The following TECPR1 variants were observed in gnomAD, a reference collection of about 807,000 sequenced individuals.
TECPR1 encodes the protein tectonin beta-propeller repeat-containing protein 1.
In TECPR1, 122 loss-of-function variants were observed where a neutral mutation model predicts 162.4. That is an observed-to-expected ratio of 0.75 (90% CI 0.65 to 0.87). The LOEUF is 0.87. TECPR1 is among the 40% of genes least tolerant of loss of function. The pLI is 0.00. For synonymous variants in TECPR1, 642 were observed against 670.6 expected, an observed-to-expected ratio of 0.96 and a Z score of 0.66; for missense variants, 1,432 against 1,618.2, an observed-to-expected ratio of 0.88 and a Z score of 1.97.
chr7:98,247,580 T>A (rs577994094), intron 2 of TECPR1, among the ~76,000 whole-genome samples: 11 of 152,258 alleles, frequency 7.2e-5, no homozygotes, highest in African/African-American at 2.6e-4. Context: ...TATCTGGGCA[T>A]AATGAGGGCA....
Position 98,223,057 on chromosome 7 carries a change from G to T in TECPR1, c.2861C>A (p.Ala954Asp). The T allele has an allele frequency of 6.2e-7, 1 of 1,607,688 alleles. No individual in the cohort carries two copies. Among genetic ancestry groups the T allele is most frequent in the Non-Finnish European group, 8.5e-7 (1 of 1,177,684 alleles). Residue 954 changes from alanine (A) to aspartate (D), a missense_variant, in exon 21 of 26, where the codon GCC (alanine) becomes GAC (aspartate). Ala to Asp is a moderately radical substitution (Grantham distance 126). Transcript: ENST00000447648. ...CCCCTTGTCGCTGACGGCCCAGAGG[G>T]CGATGCTGTGCCCACTCCCCTCGGC... The part of the protein sequence containing the change: ...PGAEGSGHSI[A>D]LWAVSDKGDV...
At chr7:98,248,147 C>G (rs1798959279) in intron 2 of TECPR1, among the ~76,000 whole-genome samples, 1 of 152,230 alleles carries the variant, frequency 6.6e-6, no homozygotes, top group African/African-American at 2.4e-5. Context: ...GGGTGTCCTT[C>G]CTGGAGTCCT....
intron 23 of TECPR1, among the ~76,000 whole-genome samples, chr7:98,220,899 C>T (rs1798124313): frequency 1.4e-5 from 2 of 147,286 alleles, no homozygotes; most frequent in South Asian, 4.4e-4. Flanking sequence ...CTAAGTTGGC[C>T]AGGCTGGTCT....
chr7:98,217,603 G>T, intron 25 of TECPR1, 89 bp downstream of exon 25: 7 of 1,532,068 alleles, frequency 4.6e-6, no homozygotes, highest in Non-Finnish European at 6.1e-6. Flanking sequence ...CCGGGTCCCA[G>T]GGGACAGTCC....
intron 11 of TECPR1, chr7:98,233,180 G>C (rs1388083257): frequency 5.1e-6 from 4 of 782,428 alleles, no homozygotes; most frequent in Admixed American, 3.3e-5. Context: ...TAGCACAGGG[G>C]AGGGGCTGCA....
chr7:98,244,666 C>T lies in TECPR1; in HGVS notation c.436G>A (p.Ala146Thr), dbSNP rs780753398. The part of the protein sequence containing the change: ...GGWTYAIDFP[A>T]TYTKDKKWNS... Reference sequence around the variant, plus strand: ...CACTTCTTGTCTTTCGTGTAGGTGGCGGGAAAGTCGATGGCGTACGTCCAC... The same window carrying T: ...CACTTCTTGTCTTTCGTGTAGGTGGTGGGAAAGTCGATGGCGTACGTCCAC... Residue 146 changes from alanine to threonine, a missense_variant, in exon 5 of 26, where the codon GCC (alanine) becomes ACC (threonine). Coordinates refer to ENST00000447648, the MANE Select transcript of TECPR1 (RefSeq NM_015395.3). 5.6e-6 allele frequency: 9 copies of T among 1,612,292 alleles called. No homozygotes were observed. In the African/African-American group the frequency reaches 6.7e-5, roughly 12 times the overall value.
At chr7:98,222,898 C>T in intron 21 of TECPR1, 92 bp downstream of exon 21, 2 of 1,521,150 alleles carry the variant, frequency 1.3e-6, no homozygotes, top group Middle Eastern at 1.7e-4. Context: ...TCCACTGGTC[C>T]TAGGGGCTTG....
intron 10 of TECPR1, among the ~76,000 whole-genome samples, chr7:98,235,555 CG>C (rs982477438): frequency 2.0e-4 from 29 of 143,534 alleles, no homozygotes; most frequent in Admixed American, 1.5e-3. Flanking sequence ...TACCAGCTGG[CG>C]GGGTGTGGTG....
chr7:98,233,619 G>A lies in TECPR1; in HGVS notation c.1474C>T (p.Leu492Phe), dbSNP rs1798512810. 3 of 1,587,408 alleles carry A rather than the reference G, an allele frequency of 1.9e-6. No individual in the cohort carries two copies. The highest frequency in any genetic ancestry group is 2.6e-6 in the Non-Finnish European group (3 of 1,167,646). Reference protein sequence around the residue: ...PAELPWTNIDLKEAKKVPSHS... With the variant: ...PAELPWTNIDFKEAKKVPSHS... The stretch of plus-strand genomic sequence containing the variant: ...CTGGGCACTTTCTTGGCCTCCTTGA[G>A]GTCAATATTGGTCCAGGGCAGCTCG... The change falls in exon 11 of 26, where the codon CTC (leucine) becomes TTC (phenylalanine). Residue 492 changes from leucine to phenylalanine, a missense_variant. By Grantham distance (22) the Leu-to-Phe change is conservative. Transcript: ENST00000447648.
chr7:98,236,737 C>A (rs939315121), intron 10 of TECPR1, 39 bp downstream of exon 10: 9 of 1,578,072 alleles, frequency 5.7e-6, no homozygotes, highest in South Asian at 4.7e-5. Flanking sequence ...GACGGCCCAT[C>A]CCAGCCTGAC....
chr7:98,223,122 G>A lies in TECPR1; in HGVS notation c.2796C>T (p.Ile932=), dbSNP rs188761694. The A allele has an allele frequency of 4.4e-5, 70 of 1,604,738 alleles. No individual in the cohort carries two copies. The highest frequency in any genetic ancestry group is 4.0e-4 in the African/African-American group (30 of 74,884). The change falls in exon 21 of 26, where the codon ATC becomes ATT. Residue 932 remains isoleucine, a synonymous_variant. Coordinates refer to ENST00000447648, the MANE Select transcript of TECPR1 (RefSeq NM_015395.3). ...GGATGATGGACACGTCCCTGAGGGC[G>A]ATGGGGGGCACCTCCAGCCAGGGCC... ...TSGPWLEVPP[I]ALRDVSIIPE... is the part of the protein sequence containing the mutation.
At chr7:98,230,873 G>C in intron 15 of TECPR1, 88 bp downstream of exon 15, 1 of 1,497,304 alleles carries the variant, frequency 6.7e-7, no homozygotes, top group Non-Finnish European at 8.9e-7. Context: ...ACCCTGCGTG[G>C]ACTCCAGTCC....
Position 98,223,074 on chromosome 7 carries a change from C to G in TECPR1, c.2844G>C (p.Gly948=). The change falls in exon 21 of 26, where the codon GGG becomes GGC. Residue 948 remains glycine, a synonymous_variant. Transcript: ENST00000447648. ...SIIPESPGAE[G]SGHSIALWAV... is the part of the protein sequence containing the mutation. ...CCCAGAGGGCGATGCTGTGCCCACTCCCCTCGGCACCCGGGCTCTCCGGGA... is the reference window on the plus strand; with the variant it reads ...CCCAGAGGGCGATGCTGTGCCCACTGCCCTCGGCACCCGGGCTCTCCGGGA... 1 of 1,604,534 alleles carries G rather than the reference C, an allele frequency of 6.2e-7. No homozygotes were observed. Among genetic ancestry groups the G allele is most frequent in the Non-Finnish European group, 8.5e-7 (1 of 1,176,256 alleles).
intron 10 of TECPR1, among the ~76,000 whole-genome samples, chr7:98,235,866 A>G (rs905254654): frequency 6.7e-6 from 1 of 150,316 alleles, no homozygotes; most frequent in African/African-American, 2.5e-5. Flanking sequence ...ATCTGAGCAG[A>G]CTAAACCCTC....
Position 98,236,755 on chromosome 7 carries a change from C to G in TECPR1, c.1181+21G>C. On this transcript the variant is annotated intron_variant, in intron 10 of 25. Transcript: ENST00000447648. ...GGCCCATCCCAGCCTGACTCCTGCG[C>G]ACCCTGCCACCCCCAGTCACCTGAG... 4 of 1,589,992 alleles carry G rather than the reference C, an allele frequency of 2.5e-6. No homozygotes were observed. The South Asian group carries it at 4.6e-5, about 18-fold the overall frequency.
At chr7:98,249,280 C>T (rs1010020147) in intron 2 of TECPR1, among the ~76,000 whole-genome samples, 2 of 152,094 alleles carry the variant, frequency 1.3e-5, no homozygotes, top group African/African-American at 4.8e-5. Flanking sequence ...AACAAAAGCT[C>T]AGCTCTGGGA....
chr7:98,243,742 T>A, intron 5 of TECPR1, 150 bp from the exon 6 acceptor site: 1 of 1,051,444 alleles, frequency 9.5e-7, no homozygotes, highest in Non-Finnish European at 1.3e-6. Context: ...ATCAGGACTG[T>A]GGGGGCCCCT....
Position 98,231,837 on chromosome 7 carries a change from G to A in TECPR1, c.1941C>T (p.Leu647=), listed in dbSNP as rs758635940. The A allele has an allele frequency of 6.2e-7, 1 of 1,612,952 alleles. No individual in the cohort carries two copies. Among genetic ancestry groups the A allele is most frequent in the South Asian group, 1.1e-5 (1 of 91,080 alleles). Residue 647 remains leucine, a synonymous_variant, in exon 13 of 26, where the codon CTC becomes CTT. Transcript: ENST00000447648. ...CCTCGTGGACCACATAGTAGATGAA[G>A]AGGATGCTGTCCCGGACGCCGTCGT... ...TGHDGVRDSI[L]FIYYVVHEEK... is the part of the protein sequence containing the mutation.
Position 98,233,084 on chromosome 7 carries a change from T to G in TECPR1, c.1673-112A>C, listed in dbSNP as rs961865402. ...GCCCTTTCTAGCTCAAAAGCTACGC[T>G]CTCTGTTAAGCCTCCTTCCACCCTT... On this transcript the variant is annotated intron_variant, in intron 11 of 25. Transcript: ENST00000447648. 5.4e-6 allele frequency: 7 copies of G among 1,299,436 alleles called. No individual in the cohort carries two copies. The Admixed American group carries it at 1.6e-4, about 29-fold the overall frequency. 80.5% of individuals were successfully genotyped at this position (1,299,436 alleles called of 1,614,324 possible). A position where few individuals can be genotyped will look rare whatever the true frequency, so the allele number is the denominator to read the frequency against.
Sources: allele counts gnomAD v4.1 joint callset (sites outside exome capture counted in the v4.1 genomes callset), GRCh38; gene constraint gnomAD v4.1.1; transcripts MANE v1.5; gene names NCBI Gene and HGNC (gene_info 2026-07-23, HGNC 2026-07-21).